RAD51B: variants seen among roughly 807,000 people sequenced by gnomAD.
RAD51B encodes RAD51 paralog B.
In RAD51B, 38 loss-of-function variants were observed where a neutral mutation model predicts 42.2. The observed-to-expected ratio is 0.90, with a 90% CI of 0.70 to 1.18. The LOEUF (loss-of-function observed/expected upper bound fraction) is 1.18, where lower values mean the gene tolerates loss of function less well. RAD51B is among the 50% of genes most tolerant of loss of function. The pLI, the probability that RAD51B is intolerant of heterozygous loss-of-function variation, is 0.00. For missense variants in RAD51B, 373 were observed against 400.7 expected (o/e 0.93, Z 0.59); for synonymous variants, 154 against 145.2 (o/e 1.06, Z -0.43).
intron 7 of RAD51B, among the ~76,000 whole-genome samples, chr14:68,192,361 G>C (rs1012960391): frequency 6.6e-6 from 1 of 152,166 alleles, no homozygotes; most frequent in Non-Finnish European, 1.5e-5. Flanking sequence ...GTGAAAAGAA[G>C]AGAAGTTTAT....
intron 7 of RAD51B, among the ~76,000 whole-genome samples, chr14:67,917,270 C>T (rs2044182746): frequency 6.6e-6 from 1 of 152,194 alleles, no homozygotes; most frequent in African/African-American, 2.4e-5. Flanking sequence ...ATTCTGTAGG[C>T]TGTACAGGAA....
At chr14:68,062,580 G>C (rs1369861337) in intron 7 of RAD51B, among the ~76,000 whole-genome samples, 1 of 151,944 alleles carries the variant, frequency 6.6e-6, no homozygotes, top group East Asian at 1.9e-4. Context: ...GATCACTTGA[G>C]GTCAGGAGTT....
chr14:68,076,521 C>T (rs1380961321), intron 7 of RAD51B, among the ~76,000 whole-genome samples: 1 of 151,958 alleles, frequency 6.6e-6, no homozygotes, highest in East Asian at 1.9e-4. Flanking sequence ...AGAAGTAGGA[C>T]CAGTGGATCA....
At chr14:68,390,851 C>T (rs981690698) in intron 8 of RAD51B, among the ~76,000 whole-genome samples, 3 of 152,302 alleles carry the variant, frequency 2.0e-5, no homozygotes, top group Admixed American at 1.3e-4. Context: ...AGAGAAAGAG[C>T]GTCAGAGGAA....
chr14:68,169,791 G>T (rs1219931000), intron 7 of RAD51B, among the ~76,000 whole-genome samples: 1 of 152,090 alleles, frequency 6.6e-6, no homozygotes, highest in Non-Finnish European at 1.5e-5. Flanking sequence ...TGAATTAGAG[G>T]TTCTAATATA....
chr14:68,270,791 T>C (rs2081089749), intron 7 of RAD51B, among the ~76,000 whole-genome samples: 1 of 152,244 alleles, frequency 6.6e-6, no homozygotes, highest in African/African-American at 2.4e-5. Context: ...CCATCTTTTA[T>C]GGCAGATGAG....
chr14:68,339,068 C>A, intron 8 of RAD51B: 1 of 677,204 alleles, frequency 1.5e-6, no homozygotes, highest in Non-Finnish European at 2.7e-6. Flanking sequence ...CAGTCATCAC[C>A]AGCTGAGCTT....
chr14:68,326,950 A>G (rs1007776627), intron 8 of RAD51B, among the ~76,000 whole-genome samples: 23 of 151,956 alleles, frequency 1.5e-4, no homozygotes, highest in African/African-American at 4.9e-4. Context: ...CAGCCAGTCC[A>G]TAGCCCAACA....
In RAD51B at chr14:68,252,460, C is replaced by T. The variant is rs376390359; in HGVS notation, c.757-39424C>T. Among the ~76,000 whole-genome samples the T allele has an allele frequency of 6.6e-5, 10 of 152,238 alleles. 1 individual carries two copies. Among genetic ancestry groups the T allele is most frequent in the African/African-American group, 2.2e-4 (9 of 41,526 alleles). On this transcript the variant is annotated intron_variant, in intron 7 of 10. Transcript: ENST00000471583. The stretch of plus-strand genomic sequence containing the variant: ...CACTCCTCCAAGCCTTACTTTATTC[C>T]CTACTTCTTCACCACCCTTCCGTCC...
At chr14:67,834,188 AC>A (rs2041153089) in intron 3 of RAD51B, among the ~76,000 whole-genome samples, 1 of 151,944 alleles carries the variant, frequency 6.6e-6, no homozygotes, top group South Asian at 2.1e-4. Context: ...CTCTCTCTAT[AC>A]CATCTTCACA....
chr14:68,144,294 G>C (rs191221518), intron 7 of RAD51B, among the ~76,000 whole-genome samples: 1 of 152,280 alleles, frequency 6.6e-6, no homozygotes, highest in East Asian at 1.9e-4. Flanking sequence ...GAGCTTGTCT[G>C]CATATGTCTC....
At chr14:67,894,523 TA>T (rs1487222102) in intron 7 of RAD51B, among the ~76,000 whole-genome samples, 1 of 152,204 alleles carries the variant, frequency 6.6e-6, no homozygotes, top group African/African-American at 2.4e-5. Flanking sequence ...TATTTGCCCT[TA>T]AGGCTTCTAC....
chr14:68,006,234 C>A (rs1008365701), intron 7 of RAD51B, among the ~76,000 whole-genome samples: 1 of 152,162 alleles, frequency 6.6e-6, no homozygotes, highest in African/African-American at 2.4e-5. Flanking sequence ...TAATGACATG[C>A]AGAAGTTCTT....
At chr14:68,301,884 A>G (rs2081748736) in intron 8 of RAD51B, among the ~76,000 whole-genome samples, 1 of 152,192 alleles carries the variant, frequency 6.6e-6, no homozygotes, top group African/African-American at 2.4e-5. Context: ...GGAGTGAACC[A>G]CTGCGCTTGG....
At chr14:68,334,085 T>C (rs4410007) in intron 8 of RAD51B, among the ~76,000 whole-genome samples, 100,817 of 151,826 alleles carry the variant, frequency 0.66, 33,945 homozygotes, top group Non-Finnish European at 0.73. Flanking sequence ...CAGGTTCATC[T>C]ATATTGTCAC....
intron 7 of RAD51B, among the ~76,000 whole-genome samples, chr14:68,122,734 T>C (rs777547607): frequency 6.6e-6 from 1 of 152,218 alleles, no homozygotes; most frequent in Non-Finnish European, 1.5e-5. Flanking sequence ...CTGACATAAG[T>C]ATAGTTATTG....
At chr14:68,083,579 G>A (rs957465980) in intron 7 of RAD51B, among the ~76,000 whole-genome samples, 3 of 152,082 alleles carry the variant, frequency 2.0e-5, no homozygotes, top group East Asian at 3.8e-4. Flanking sequence ...ACTTAAAAAC[G>A]TGATATCTAG....
At chr14:68,599,214 C>A (rs1029487570), downstream of RAD51B, among the ~76,000 whole-genome samples, 6 of 152,194 alleles carry the variant, frequency 3.9e-5, no homozygotes, top group African/African-American at 1.4e-4. Flanking sequence ...CATAGCCAAC[C>A]AACCCCAGGC....
chr14:67,884,919 T>G (rs1463914341), intron 5 of RAD51B, among the ~76,000 whole-genome samples: 1 of 152,220 alleles, frequency 6.6e-6, no homozygotes, highest in East Asian at 1.9e-4. Flanking sequence ...GTTATGTTTT[T>G]AAAGTTCCCA....
Sources: gnomAD v4.1 joint callset for allele counts (sites outside exome capture counted in the v4.1 genomes callset) on GRCh38, gnomAD v4.1.1 for gene constraint, MANE v1.5 for transcripts, NCBI Gene and HGNC (gene_info 2026-07-23, HGNC 2026-07-21) for gene names.